CUL4A: variants seen among roughly 807,000 people sequenced by gnomAD.
CUL4A encodes cullin 4A.
Under a neutral mutation model 95.5 loss-of-function variants are expected in CUL4A, and 16 were observed. The observed-to-expected ratio is 0.17, with a 90% CI of 0.11 to 0.25. CUL4A has a LOEUF of 0.25. Ranked by LOEUF, CUL4A falls within the 10% of genes least tolerant of loss-of-function variation. CUL4A has a pLI of 1.00. For synonymous variants in CUL4A, 380 were observed against 353.1 expected (o/e 1.08, Z -0.85); for missense variants, 610 against 937.0 (o/e 0.65, Z 4.56).
intron 3 of CUL4A, among the ~76,000 whole-genome samples, chr13:113,222,150 G>A (rs1176887819): frequency 6.6e-6 from 1 of 152,232 alleles, no homozygotes; most frequent in Non-Finnish European, 1.5e-5. Context: ...CCCTAAAGGG[G>A]AAAATGAGAG....
At position 113,233,236 on chromosome 13, in the gene CUL4A, A is replaced by G; in HGVS notation, c.572A>G (p.Lys191Arg). The change falls in exon 6 of 20, where the codon AAA becomes AGA. Residue 191 changes from lysine (K) to arginine (R), a missense_variant. Lys to Arg is a conservative substitution (Grantham distance 26, BLOSUM62 2). Around this residue, in one of 10 missense-constraint regions of CUL4A, gnomAD observed 97 missense variants for 100.3 expected, o/e 0.97. Transcript: ENST00000375440. ...ATTAGTGATAAAATGGTTCAGAGTA[A>G]AACCATTGATGGAATCCTACTGCTG... The part of the protein sequence containing the change: ...HIISDKMVQS[K>R]TIDGILLLIE... The G allele has an allele frequency of 6.2e-7, 1 of 1,614,088 alleles. No individual in the cohort carries two copies. Among genetic ancestry groups the G allele is most frequent in the Admixed American group, 1.7e-5 (1 of 60,026 alleles).
intron 19 of CUL4A, among the ~76,000 whole-genome samples, chr13:113,262,492 A>T (rs2139316652): frequency 6.6e-6 from 1 of 152,286 alleles, no homozygotes; most frequent in South Asian, 2.1e-4. Flanking sequence ...CTCTACAAAA[A>T]ATAAAATTAG....
Position 113,232,788 on chromosome 13 carries a change from G to A in CUL4A, c.513-389G>A, listed in dbSNP as rs971605701. Among the ~76,000 whole-genome samples, 6 of 152,180 alleles carry A rather than the reference G, an allele frequency of 3.9e-5. 1 individual carries two copies. The highest frequency in any genetic ancestry group is 6.5e-5 in the Admixed American group (1 of 15,278). On this transcript the variant is annotated intron_variant, in intron 5 of 19. Transcript: ENST00000375440. ...ACTGGGAAGAGAGTGTACCCTGAGG[G>A]CTGTTGGAGACGGTGGCGGGAGGGG... is the stretch of plus-strand genomic sequence containing the variant.
intron 8 of CUL4A, 91 bp downstream of exon 8, chr13:113,235,236 A>G: frequency 2.3e-6 from 2 of 852,396 alleles, no homozygotes; most frequent in African/African-American, 1.7e-5. Flanking sequence ...TGTCTTTGTC[A>G]ATTCATTCAG....
At position 113,239,498 on chromosome 13, in the gene CUL4A, C is replaced by T. The variant is rs768795493; in HGVS notation, c.982C>T (p.Arg328Trp). ...DLAQMYQLFS[R>W]VRGGQQALLQ... ...CGCACAGATGTACCAGCTGTTCAGC[C>T]GGGTGAGGGGCGGGCAGCAGGCGCT... Residue 328 changes from arginine to tryptophan, a missense_variant, in exon 10 of 20, where the codon CGG (arginine) becomes TGG (tryptophan). Arg to Trp is a moderately radical substitution (Grantham distance 101). Around this residue, in one of 10 missense-constraint regions of CUL4A, gnomAD observed 153 missense variants for 244.5 expected, o/e 0.63. Transcript: ENST00000375440. The T allele has an allele frequency of 4.3e-6, 7 of 1,613,726 alleles. No individual in the cohort carries two copies. In the East Asian group the frequency reaches 8.9e-5, roughly 21 times the overall value.
chr13:113,253,861 C>T (rs550281116), intron 16 of CUL4A, among the ~76,000 whole-genome samples: 2 of 152,302 alleles, frequency 1.3e-5, no homozygotes, highest in South Asian at 4.1e-4. Context: ...TAAGCAAAAA[C>T]ATAAAATTCC....
chr13:113,242,074 TG>T (rs2041729462), intron 10 of CUL4A, among the ~76,000 whole-genome samples: 1 of 152,116 alleles, frequency 6.6e-6, no homozygotes, highest in African/African-American at 2.4e-5. Flanking sequence ...CCCACCACTT[TG>T]GGAGGCCAAG....
intron 3 of CUL4A, among the ~76,000 whole-genome samples, chr13:113,221,586 T>C (rs1480960154): frequency 6.6e-6 from 1 of 152,128 alleles, no homozygotes; most frequent in Non-Finnish European, 1.5e-5. Context: ...TATTTATTTA[T>C]TTATTTTTGT....
At chr13:113,245,661 CTA>C (rs531509765) in intron 14 of CUL4A, among the ~76,000 whole-genome samples, 47 of 152,164 alleles carry the variant, frequency 3.1e-4, no homozygotes, top group African/African-American at 1.0e-3. Context: ...GAATCTCACT[CTA>C]TGTAAGAAGA....
At chr13:113,215,242 G>A (rs2139088718) in intron 2 of CUL4A, among the ~76,000 whole-genome samples, 1 of 151,068 alleles carries the variant, frequency 6.6e-6, no homozygotes, top group African/African-American at 2.4e-5. Flanking sequence ...TGGCTGTGGA[G>A]GTCGCTGTGT....
Position 113,228,012 on chromosome 13 carries a change from T to G in CUL4A, c.405T>G (p.Ile135Met), listed in dbSNP as rs2041170123. 2.5e-6 allele frequency: 4 copies of G among 1,613,650 alleles called. No individual in the cohort carries two copies. Among genetic ancestry groups the G allele is most frequent in the African/African-American group, 2.7e-5 (2 of 74,922 alleles). The change falls in exon 4 of 20, where the codon ATT becomes ATG. Residue 135 changes from isoleucine (I) to methionine (M), a missense_variant. Coordinates refer to ENST00000375440, the MANE Select transcript of CUL4A (RefSeq NM_001008895.4). ...ATAGTGTTTTATTTTTAAAGAAGATTAACACGTGCTGGCAGGACCACTGCA... is the reference window on the plus strand; with the variant it reads ...ATAGTGTTTTATTTTTAAAGAAGATGAACACGTGCTGGCAGGACCACTGCA... ...SLDSVLFLKK[I>M]NTCWQDHCRQ... is the part of the protein sequence containing the mutation.
At position 113,217,038 on chromosome 13, in the gene CUL4A, T is replaced by C. The variant is rs117902228; in HGVS notation, c.265-1907T>C. 3.2e-4 allele frequency among the ~76,000 whole-genome samples: 48 copies of C among 152,328 alleles called. 2 individuals are homozygous for C. The East Asian group carries it at 8.9e-3, about 28-fold the overall frequency. On this transcript the variant is annotated intron_variant, in intron 2 of 19. Coordinates refer to ENST00000375440, the MANE Select transcript of CUL4A (RefSeq NM_001008895.4). ...GAGGCAGAGTGGGTTATAAAATATT[T>C]AGTCATTTGCCACAACCAGGAAAAG...
At position 113,241,497 on chromosome 13, in the gene CUL4A, C is replaced by T. The variant is rs7320837; in HGVS notation, c.1036-1471C>T. On this transcript the variant is annotated intron_variant, in intron 10 of 19. Coordinates refer to ENST00000375440, the MANE Select transcript of CUL4A (RefSeq NM_001008895.4). Reference sequence around the variant, plus strand: ...GCCCCTCTCTGGGAGAGTCTGTGCCCTTTCTGTTGGCATCTTTTTTTTTTT... The same window carrying T: ...GCCCCTCTCTGGGAGAGTCTGTGCCTTTTCTGTTGGCATCTTTTTTTTTTT... Among the ~76,000 whole-genome samples the T allele has an allele frequency of 8.2e-3, 1,220 of 149,632 alleles. 21 individuals are homozygous for T. The highest frequency in any genetic ancestry group is 0.029 in the African/African-American group (1,179 of 40,958).
At chr13:113,230,556 A>G (rs891444767) in intron 5 of CUL4A, among the ~76,000 whole-genome samples, 5 of 152,196 alleles carry the variant, frequency 3.3e-5, no homozygotes, top group African/African-American at 1.2e-4. Context: ...GTTCCAGGAA[A>G]GAATGGAGAT....
In CUL4A at chr13:113,209,723, C is replaced by T. The variant is rs989482073; in HGVS notation, c.96C>T (p.Ala32=). 410 of 1,162,842 alleles carry T rather than the reference C, an allele frequency of 3.5e-4. No homozygotes were observed. The highest frequency in any genetic ancestry group is 4.3e-4 in the Non-Finnish European group (404 of 944,136). 72.0% of individuals were successfully genotyped at this position (1,162,842 alleles called of 1,614,324 possible). Residue 32 remains alanine (A), a synonymous_variant, in exon 1 of 20, where the codon GCC becomes GCT. Coordinates refer to ENST00000375440, the MANE Select transcript of CUL4A (RefSeq NM_001008895.4). The part of the protein sequence containing the change: ...TKPAALAAAP[A]KPGGAGGSKK... ...CCGCGGCCCTGGCCGCCGCGCCCGC[C>T]AAGCCGGGGGGCGCGGGCGGCTCCA...
chr13:113,218,698 G>A (rs1162224792), intron 2 of CUL4A, among the ~76,000 whole-genome samples: 1 of 152,178 alleles, frequency 6.6e-6, no homozygotes, highest in African/African-American at 2.4e-5. Context: ...GGTCCAGCAG[G>A]TGCAATGTGC....
intron 3 of CUL4A, among the ~76,000 whole-genome samples, chr13:113,226,554 G>A (rs2139151087): frequency 6.6e-6 from 1 of 152,326 alleles, no homozygotes; most frequent in South Asian, 2.1e-4. Context: ...CAGACCACTT[G>A]CTCTAGGAGC....
At chr13:113,209,393 G>A (rs896884312), upstream of CUL4A, among the ~76,000 whole-genome samples, 5 of 149,198 alleles carry the variant, frequency 3.4e-5, no homozygotes, top group African/African-American at 1.2e-4. Context: ...CTCGAGCCAG[G>A]AGGGGGTGTC....
intron 10 of CUL4A, among the ~76,000 whole-genome samples, chr13:113,242,438 CGTTT>C (rs1390981236): frequency 6.6e-6 from 1 of 152,122 alleles, no homozygotes; most frequent in East Asian, 1.9e-4. Flanking sequence ...ATTTTCCAGT[CGTTT>C]GTAAGTTCTC....
Sources: allele counts gnomAD v4.1 joint callset (sites outside exome capture counted in the v4.1 genomes callset), GRCh38; gene constraint gnomAD v4.1.1; regional missense constraint gnomAD v4.1.1; transcripts MANE v1.5; gene names NCBI Gene and HGNC (gene_info 2026-07-23, HGNC 2026-07-21).